The following UBE2L3 variants were observed in gnomAD, a reference collection of about 807,000 sequenced individuals.
The protein encoded by UBE2L3 is ubiquitin-conjugating enzyme E2 L3.
In UBE2L3, 1 loss-of-function variant was observed where a neutral mutation model predicts 17.8. The ratio of observed to expected loss-of-function variants is 0.06; its 90% CI spans 0.02 to 0.27. UBE2L3 has a LOEUF of 0.27. Ranked by LOEUF, UBE2L3 falls within the 10% of genes least tolerant of loss-of-function variation. The probability of loss-of-function intolerance (pLI) is 1.00; values close to 1 mark genes in which losing one functional copy is unlikely to be tolerated. For missense variants in UBE2L3, 40 were observed against 192.6 expected, an observed-to-expected ratio of 0.21 and a Z score of 4.69; for synonymous variants, 44 against 68.5, an observed-to-expected ratio of 0.64 and a Z score of 1.76.
At chr22:21,577,632 G>A (rs544822956) in intron 1 of UBE2L3, among the ~76,000 whole-genome samples, 120 of 152,310 alleles carry the variant, frequency 7.9e-4, no homozygotes, top group African/African-American at 2.7e-3. Flanking sequence ...CCTTGCTCCT[G>A]CTTTTTAGAT....
chr22:21,561,550 C>G (rs1219087943), intron 1 of UBE2L3, among the ~76,000 whole-genome samples: 1 of 152,266 alleles, frequency 6.6e-6, no homozygotes, highest in East Asian at 1.9e-4. Flanking sequence ...CCACTATACT[C>G]CAGCCTGGGT....
intron 1 of UBE2L3, 52 bp downstream of exon 1, chr22:21,567,823 C>T: frequency 3.2e-6 from 5 of 1,562,202 alleles, no homozygotes; most frequent in African/African-American, 1.3e-5. Context: ...TCCTAGGCTC[C>T]GGATCCCCGA....
At chr22:21,564,003 CA>C (rs1441688900), upstream of UBE2L3, among the ~76,000 whole-genome samples, 1 of 150,486 alleles carries the variant, frequency 6.6e-6, no homozygotes, top group Non-Finnish European at 1.5e-5. Context: ...TGTACGCAGC[CA>C]AAAAAGTCTA....
chr22:21,617,498 C>G (rs1929836864), intron 3 of UBE2L3, among the ~76,000 whole-genome samples: 1 of 152,262 alleles, frequency 6.6e-6, no homozygotes, highest in South Asian at 2.1e-4. Flanking sequence ...AACTCCTGAG[C>G]TCAGACAGTC....
chr22:21,608,114 T>A (rs1003515737), intron 2 of UBE2L3, among the ~76,000 whole-genome samples: 2 of 152,210 alleles, frequency 1.3e-5, no homozygotes, highest in African/African-American at 4.8e-5. Flanking sequence ...TCTCTTAGAA[T>A]GACCAAAATC....
In UBE2L3 at chr22:21,595,117, A is replaced by T. The variant is rs1264939026; in HGVS notation, c.123+2161A>T. 3.9e-5 allele frequency among the ~76,000 whole-genome samples: 6 copies of T among 152,198 alleles called. No individual in the cohort carries two copies. The East Asian group carries it at 1.2e-3, about 29-fold the overall frequency. ...GGCAAAGGTGGAGGCTGGCTGGTAG[A>T]ATCCAAGTGTGCTTGGGCTGAGGCT... On this transcript the variant is annotated intron_variant, in intron 2 of 3. Coordinates refer to ENST00000342192, the MANE Select transcript of UBE2L3 (RefSeq NM_003347.4).
At chr22:21,580,166 C>G (rs898992027) in intron 1 of UBE2L3, among the ~76,000 whole-genome samples, 1 of 152,236 alleles carries the variant, frequency 6.6e-6, no homozygotes, top group Non-Finnish European at 1.5e-5. Context: ...GGAGCATTAA[C>G]TCACTGCTTT....
chr22:21,604,714 C>T (rs1339665756), intron 2 of UBE2L3, among the ~76,000 whole-genome samples: 1 of 152,068 alleles, frequency 6.6e-6, no homozygotes, highest in African/African-American at 2.4e-5. Flanking sequence ...TAGGCCTTTA[C>T]CCGGAAGGTA....
chr22:21,612,544 C>T (rs12169001), intron 3 of UBE2L3, among the ~76,000 whole-genome samples: 32,318 of 150,474 alleles, frequency 0.21, 4,220 homozygotes, highest in East Asian at 0.5. Flanking sequence ...CCAGGATGGT[C>T]TCGATCTCCT....
At chr22:21,619,761 G>C (rs570720512) in intron 3 of UBE2L3, among the ~76,000 whole-genome samples, 2 of 152,090 alleles carry the variant, frequency 1.3e-5, no homozygotes, top group Non-Finnish European at 2.9e-5. Flanking sequence ...GCACGATCTC[G>C]GCTCACTGCA....
chr22:21,587,694 C>T (rs754877461), intron 1 of UBE2L3, among the ~76,000 whole-genome samples: 5 of 152,220 alleles, frequency 3.3e-5, no homozygotes, highest in Non-Finnish European at 5.9e-5. Flanking sequence ...GTTCTCCCAT[C>T]TCCTCTCAGG....
At chr22:21,618,319 C>G (rs1329567774) in intron 3 of UBE2L3, among the ~76,000 whole-genome samples, 1 of 152,140 alleles carries the variant, frequency 6.6e-6, no homozygotes, top group African/African-American at 2.4e-5. Flanking sequence ...TAATCCAGCA[C>G]TTTGGGAGGC....
intron 1 of UBE2L3, among the ~76,000 whole-genome samples, chr22:21,562,617 T>C: frequency 6.6e-6 from 1 of 150,638 alleles, no homozygotes; most frequent in Non-Finnish European, 1.5e-5. Flanking sequence ...ATGATCTGCC[T>C]GCCTCGGCCT....
intron 2 of UBE2L3, among the ~76,000 whole-genome samples, chr22:21,603,811 T>C (rs1215643642): frequency 6.8e-6 from 1 of 147,288 alleles, no homozygotes. Flanking sequence ...CACTCCAGCC[T>C]GGGCGACAGA....
chr22:21,590,863 C>G (rs542605916), intron 1 of UBE2L3, among the ~76,000 whole-genome samples: 4 of 152,172 alleles, frequency 2.6e-5, no homozygotes, highest in Non-Finnish European at 5.9e-5. Context: ...CCCCAGCTTC[C>G]CATCCACCCA....
chr22:21,614,415 C>A, intron 3 of UBE2L3: 1 of 447,882 alleles, frequency 2.2e-6, no homozygotes, highest in Non-Finnish European at 4.1e-6. Context: ...CATGGTGAAA[C>A]CCCGTCTGTA....
chr22:21,571,649 G>A (rs1926970623), intron 1 of UBE2L3, among the ~76,000 whole-genome samples: 1 of 152,128 alleles, frequency 6.6e-6, no homozygotes, highest in Non-Finnish European at 1.5e-5. Flanking sequence ...TGATCTGCCC[G>A]CCGAGGCCTC....
Position 21,614,669 on chromosome 22 carries a change from A to G in UBE2L3, c.310+3626A>G. On this transcript the variant is annotated intron_variant, in intron 3 of 3. Coordinates refer to ENST00000342192, the MANE Select transcript of UBE2L3 (RefSeq NM_003347.4). Reference sequence around the variant, plus strand: ...AGCCACCCACAAGTACAGAAAAGTAAGCATAATGGAAGAAATAGTAATATG... The same window carrying G: ...AGCCACCCACAAGTACAGAAAAGTAGGCATAATGGAAGAAATAGTAATATG... 5.9e-6 allele frequency: 8 copies of G among 1,354,570 alleles called. No individual in the cohort carries two copies. In the South Asian group the frequency reaches 9.2e-5, roughly 16 times the overall value. The allele number at this position is 1,354,570 out of a possible 1,614,324, so 83.9% of individuals were successfully genotyped here.
At chr22:21,563,489 G>A (rs994982617), upstream of UBE2L3, among the ~76,000 whole-genome samples, 7 of 147,918 alleles carry the variant, frequency 4.7e-5, no homozygotes, top group African/African-American at 7.4e-5. Context: ...GTGAACCCGG[G>A]AGGCGGAGGT....
Sources: gnomAD v4.1 joint callset for allele counts (sites outside exome capture counted in the v4.1 genomes callset) on GRCh38, gnomAD v4.1.1 for gene constraint, MANE v1.5 for transcripts, NCBI Gene and HGNC (gene_info 2026-07-23, HGNC 2026-07-21) for gene names.